The following ZEB2 variants were observed in gnomAD, a reference collection of about 807,000 sequenced individuals.
ZEB2 encodes zinc finger E-box binding homeobox 2, also known as zinc finger E-box-binding homeobox 2.
A neutral mutation model predicts 99.9 loss-of-function variants in ZEB2; 6 were observed. That is an observed-to-expected ratio of 0.06 (90% confidence interval 0.03 to 0.12). ZEB2 has a LOEUF of 0.12. Ranked by LOEUF, ZEB2 falls within the 10% of genes least tolerant of loss-of-function variation. The pLI is 1.00. For missense variants in ZEB2, 969 were observed against 1,502.8 expected, an observed-to-expected ratio of 0.64 and a Z score of 5.87; for synonymous variants, 517 against 542.5, an observed-to-expected ratio of 0.95 and a Z score of 0.65.
chr2:144,405,162 G>T (rs1469568184), intron 4 of ZEB2, 138 bp from the exon 5 acceptor site: 2 of 937,608 alleles, frequency 2.1e-6, no homozygotes, highest in East Asian at 5.2e-5. Context: ...AAGTGTTGAA[G>T]ATGACCGATT....
chr2:144,463,028 T>C (rs895014294), intron 2 of ZEB2: 4 of 152,196 alleles, frequency 2.6e-5, no homozygotes, highest in Non-Finnish European at 4.4e-5. Flanking sequence ...ACTGACACCA[T>C]TGCTCTCTGC....
rs565523397 is a variant in ZEB2, at chr2:144,488,536, A to G, written c.73+28742T>C. 3.2e-3 allele frequency among the ~76,000 whole-genome samples: 488 copies of G among 152,362 alleles called. 3 individuals carry two copies. The highest frequency in any genetic ancestry group is 5.2e-3 in the Admixed American group (79 of 15,310). On this transcript the variant is annotated intron_variant, in intron 2 of 9. Coordinates refer to ENST00000627532, the MANE Select transcript of ZEB2 (RefSeq NM_014795.4). Reference sequence around the variant, plus strand: ...AGTATTTTCATGTTCTCTAAGTTTAATTAAAGGAAGAAAATCCATGACTTT... The same window carrying G: ...AGTATTTTCATGTTCTCTAAGTTTAGTTAAAGGAAGAAAATCCATGACTTT...
At chr2:144,500,629 T>C (rs1036217678) in intron 2 of ZEB2, among the ~76,000 whole-genome samples, 1 of 152,124 alleles carries the variant, frequency 6.6e-6, no homozygotes, top group African/African-American at 2.4e-5. Flanking sequence ...CTAGTATCAG[T>C]TGGGGCTGAT....
intron 2 of ZEB2, among the ~76,000 whole-genome samples, chr2:144,464,870 T>A (rs925321568): frequency 1.8e-4 from 27 of 152,192 alleles, no homozygotes; most frequent in East Asian, 1.9e-4. Context: ...GACATCGAAG[T>A]GGCCATAAAA....
At chr2:144,510,686 GCC>G (rs1705019610) in intron 2 of ZEB2, among the ~76,000 whole-genome samples, 2 of 75,806 alleles carry the variant, frequency 2.6e-5, no homozygotes, top group South Asian at 1.1e-3. Context: ...ACTACCCTGT[GCC>G]TCTCTCTCTC....
chr2:144,464,524 G>A (rs1387300117), intron 2 of ZEB2, among the ~76,000 whole-genome samples: 5 of 152,082 alleles, frequency 3.3e-5, no homozygotes, highest in African/African-American at 9.7e-5. Context: ...TATATTACAA[G>A]CAATCATTAG....
At chr2:144,503,573 G>T (rs1417977914) in intron 2 of ZEB2, 1 of 151,926 alleles carries the variant, frequency 6.6e-6, no homozygotes, top group African/African-American at 2.4e-5. Flanking sequence ...AAAAACACCA[G>T]CCCCCTCCCA....
At chr2:144,402,161 C>T (rs1703320637) in intron 6 of ZEB2, among the ~76,000 whole-genome samples, 1 of 152,134 alleles carries the variant, frequency 6.6e-6, no homozygotes, top group Non-Finnish European at 1.5e-5. Context: ...ACACAGCTGA[C>T]CTTTTTGAAC....
At chr2:144,514,756 A>G (rs1285174227) in intron 2 of ZEB2, among the ~76,000 whole-genome samples, 2 of 152,274 alleles carry the variant, frequency 1.3e-5, no homozygotes, top group Non-Finnish European at 2.9e-5. Context: ...AAAGACAGGT[A>G]ACAGTCAAAG....
chr2:144,387,037 GTGTGTGTGTATATATATA>G lies in ZEB2; in HGVS notation c.*2396_*2413del, dbSNP rs933392828. The G allele has an allele frequency of 2.9e-5, 2 of 68,910 alleles. No individual in the cohort carries two copies. The highest frequency in any genetic ancestry group is 6.1e-5 in the Non-Finnish European group (2 of 32,832). 4.3% of individuals were successfully genotyped at this position (68,910 alleles called of 1,614,324 possible). A position where few individuals can be genotyped will look rare whatever the true frequency, so the allele number is the denominator to read the frequency against. On this transcript the variant is annotated 3_prime_UTR_variant, in exon 10 of 10. Transcript: ENST00000627532. ...TTCATTACATCCTTTCTGTGTATGT[GTGTGTGTGTATATATATA>G]TATATATACACACACACACATACAC...
At chr2:144,476,713 G>C (rs1704435365) in intron 2 of ZEB2, among the ~76,000 whole-genome samples, 1 of 152,180 alleles carries the variant, frequency 6.6e-6, no homozygotes, top group Non-Finnish European at 1.5e-5. Context: ...AAGTTCCTGG[G>C]TGTTCAGCTT....
chr2:144,512,294 A>G (rs1447409959), intron 2 of ZEB2: 1 of 1,287,250 alleles, frequency 7.8e-7, no homozygotes, highest in Admixed American at 2.3e-5. Flanking sequence ...GCACCTTAAA[A>G]GCCTTGGAAG....
chr2:144,510,629 G>A (rs985678155), intron 2 of ZEB2, among the ~76,000 whole-genome samples: 3 of 151,864 alleles, frequency 2.0e-5, no homozygotes, highest in African/African-American at 7.3e-5. Context: ...GGTAACTAGG[G>A]GAAGCCCAAC....
At chr2:144,417,366 T>C (rs1286552893) in intron 4 of ZEB2, among the ~76,000 whole-genome samples, 1 of 152,188 alleles carries the variant, frequency 6.6e-6, no homozygotes, top group Non-Finnish European at 1.5e-5. Context: ...ATTTTAGTGG[T>C]TGTTAACAAT....
chr2:144,395,529 A>G (rs1006695172), intron 9 of ZEB2, among the ~76,000 whole-genome samples: 1 of 152,014 alleles, frequency 6.6e-6, no homozygotes, highest in Non-Finnish European at 1.5e-5. Flanking sequence ...TCCAGGGCTA[A>G]TAGAGCATGC....
intron 2 of ZEB2, among the ~76,000 whole-genome samples, chr2:144,492,614 C>G (rs1196620315): frequency 6.6e-6 from 1 of 152,222 alleles, no homozygotes; most frequent in African/African-American, 2.4e-5. Flanking sequence ...CGAGCACCCA[C>G]ACTGCCTCTC....
chr2:144,474,068 G>C (rs1212842370), intron 2 of ZEB2, among the ~76,000 whole-genome samples: 3 of 152,044 alleles, frequency 2.0e-5, no homozygotes, highest in Non-Finnish European at 4.4e-5. Context: ...CTCATTAATT[G>C]GCCTTGTCCG....
intron 2 of ZEB2, among the ~76,000 whole-genome samples, chr2:144,502,324 G>A (rs1704884221): frequency 6.6e-6 from 1 of 152,052 alleles, no homozygotes; most frequent in African/African-American, 2.4e-5. Context: ...GGAGTATTCT[G>A]GCAGCAGATT....
At chr2:144,473,328 G>C (rs1241010340) in intron 2 of ZEB2, among the ~76,000 whole-genome samples, 1 of 152,154 alleles carries the variant, frequency 6.6e-6, no homozygotes, top group East Asian at 1.9e-4. Flanking sequence ...TTTATGTCAT[G>C]GTATTGAATT....
Sources: gnomAD v4.1 joint callset for allele counts (sites outside exome capture counted in the v4.1 genomes callset) on GRCh38, gnomAD v4.1.1 for gene constraint, MANE v1.5 for transcripts, NCBI Gene and HGNC (gene_info 2026-07-23, HGNC 2026-07-21) for gene names.